Variants in EFHB observed in about 807,000 individuals in gnomAD.
EFHB encodes the protein EF-hand domain-containing family member B.
A neutral mutation model predicts 87.2 loss-of-function variants in EFHB; 91 were observed. The ratio of observed to expected loss-of-function variants is 1.04; its 90% CI spans 0.88 to 1.24. The LOEUF (loss-of-function observed/expected upper bound fraction) is 1.24, where lower values mean the gene tolerates loss of function less well. Ranked by LOEUF, EFHB falls within the 50% of genes most tolerant of loss-of-function variation. The probability of loss-of-function intolerance (pLI) is 0.00; values close to 1 mark genes in which losing one functional copy is unlikely to be tolerated. For synonymous variants in EFHB, 325 were observed against 333.6 expected, an observed-to-expected ratio of 0.97 and a Z score of 0.28; for missense variants, 1,084 against 998.8, an observed-to-expected ratio of 1.09 and a Z score of -1.15.
At chr3:19,902,588 G>C (rs973312977) in intron 6 of EFHB, among the ~76,000 whole-genome samples, 3 of 151,930 alleles carry the variant, frequency 2.0e-5, no homozygotes, top group Non-Finnish European at 4.4e-5. Context: ...TCCTGACCTT[G>C]TGATCTGCCT....
At chr3:19,914,777 A>G (rs2125146040) in intron 5 of EFHB, among the ~76,000 whole-genome samples, 1 of 152,306 alleles carries the variant, frequency 6.6e-6, no homozygotes, top group South Asian at 2.1e-4. Flanking sequence ...AATATTCTTA[A>G]TATAAAATTA....
At chr3:19,903,205 T>C (rs1694730871) in intron 6 of EFHB, among the ~76,000 whole-genome samples, 1 of 151,806 alleles carries the variant, frequency 6.6e-6, no homozygotes, top group African/African-American at 2.4e-5. Flanking sequence ...AAATGTATGA[T>C]CAAATAAAAC....
At chr3:19,908,813 T>A (rs1694958367) in intron 5 of EFHB, among the ~76,000 whole-genome samples, 1 of 152,110 alleles carries the variant, frequency 6.6e-6, no homozygotes, top group Non-Finnish European at 1.5e-5. Context: ...TAGGTCCATA[T>A]TTATTGCTAT....
intron 9 of EFHB, chr3:19,894,735 T>TC (rs1458408107): frequency 6.6e-6 from 1 of 152,064 alleles, no homozygotes; most frequent in African/African-American, 2.4e-5. Context: ...ATACCTGTAA[T>TC]CCCAACACTG....
At chr3:19,901,515 C>A (rs193017509) in intron 6 of EFHB, among the ~76,000 whole-genome samples, 81 of 152,282 alleles carry the variant, frequency 5.3e-4, no homozygotes, top group Admixed American at 1.8e-3. Flanking sequence ...TGTGGAGGAA[C>A]AAAAGAAGAA....
chr3:19,944,085 T>C (rs1478780842), intron 1 of EFHB, among the ~76,000 whole-genome samples: 1 of 152,214 alleles, frequency 6.6e-6, no homozygotes, highest in Non-Finnish European at 1.5e-5. Context: ...TCACAGCCTT[T>C]TATTCACTGA....
chr3:19,884,572 T>C lies in EFHB; in HGVS notation c.1977A>G (p.Glu659=). The part of the protein sequence containing the change: ...DCVNPTEANV[E]EPEQTLLIKP... ...TTATGAGGAGAGTTTGTTCAGGTTCTTCAACATTAGCCTCAGTAGGGTTTA... is the reference window on the plus strand; with the variant it reads ...TTATGAGGAGAGTTTGTTCAGGTTCCTCAACATTAGCCTCAGTAGGGTTTA... The change falls in exon 11 of 13, where the codon GAA becomes GAG. Residue 659 remains glutamate, a synonymous_variant. Transcript: ENST00000295824. 6.2e-7 allele frequency: 1 copy of C among 1,614,002 alleles called. No homozygotes were observed. The highest frequency in any genetic ancestry group is 8.5e-7 in the Non-Finnish European group (1 of 1,179,898).
chr3:19,929,688 G>A (rs1326615569), intron 1 of EFHB, among the ~76,000 whole-genome samples: 5 of 126,100 alleles, frequency 4.0e-5, no homozygotes, highest in Admixed American at 3.7e-4. Context: ...CAGCCTGGGC[G>A]AGAGCGTGAG....
chr3:19,895,367 A>G (rs1389672280), intron 9 of EFHB, among the ~76,000 whole-genome samples: 1 of 151,106 alleles, frequency 6.6e-6, no homozygotes, highest in Non-Finnish European at 1.5e-5. Context: ...CTGTAGTCCC[A>G]CTACTCGGGA....
intron 9 of EFHB, among the ~76,000 whole-genome samples, chr3:19,891,970 T>TC (rs1445944303): frequency 6.6e-6 from 1 of 152,156 alleles, no homozygotes; most frequent in African/African-American, 2.4e-5. Context: ...CATAGGGATC[T>TC]CCCTCATGCT....
In EFHB at chr3:19,908,566, G is replaced by GAGAAAGAGAGAA. The variant is rs1559459448; in HGVS notation, c.1289-2818_1289-2817insTTCTCTCTTTCT. On this transcript the variant is annotated intron_variant, in intron 5 of 12. Transcript: ENST00000295824. ...AAAGAAAGAGAGAAAGAGAGAAAGAGAGAGAGAGAGAGAGAGAGAGAGAGA... is the reference window on the plus strand; with the variant it reads ...AAAGAAAGAGAGAAAGAGAGAAAGAGAGAAAGAGAGAAAGAGAGAGAGAGAGAGAGAGAGAGA... Among the ~76,000 whole-genome samples, 110 of 72,394 alleles carry GAGAAAGAGAGAA rather than the reference G, an allele frequency of 1.5e-3. 1 individual carries two copies. Among genetic ancestry groups the GAGAAAGAGAGAA allele is most frequent in the African/African-American group, 5.7e-3 (95 of 16,538 alleles). 47.5% of individuals were successfully genotyped at this position (72,394 alleles called of 152,430 possible).
At chr3:19,921,693 TA>T (rs772748335) in intron 1 of EFHB, among the ~76,000 whole-genome samples, 1 of 152,016 alleles carries the variant, frequency 6.6e-6, no homozygotes, top group Non-Finnish European at 1.5e-5. Flanking sequence ...GAACTTTGTG[TA>T]AAAAAAGAAA....
At chr3:19,890,006 C>G (rs958630499) in intron 9 of EFHB, among the ~76,000 whole-genome samples, 1 of 152,092 alleles carries the variant, frequency 6.6e-6, no homozygotes, top group African/African-American at 2.4e-5. Flanking sequence ...ACAAAAGTCT[C>G]TACTACAACC....
chr3:19,932,473 C>T (rs1031796294), intron 1 of EFHB, among the ~76,000 whole-genome samples: 2 of 152,150 alleles, frequency 1.3e-5, no homozygotes, highest in Admixed American at 6.5e-5. Flanking sequence ...TTATGCCTCT[C>T]GAACATAGGA....
At chr3:19,936,337 G>A (rs1477564079), upstream of EFHB, 186 of 448,392 alleles carry the variant, frequency 4.1e-4, 1 homozygote, top group South Asian at 1.5e-3. Flanking sequence ...GCGACAGACT[G>A]AAAAAAAAAA....
Position 19,882,550 on chromosome 3 carries a change from C to G in EFHB, c.2328G>C (p.Glu776Asp). ...ATTTTTGTATGCTTATATGCTATAC[C>G]TCTTCTTTTGATCTGGTCTTGAAGA... is the stretch of plus-strand genomic sequence containing the variant. ...RDFFKTRSKE[E>D]IAEILCNIGV... Residue 776 changes from glutamate to aspartate, a missense_variant and splice_region_variant, in exon 12 of 13, where the codon GAG (glutamate) becomes GAC (aspartate). Physicochemically the swap from Glu to Asp is conservative, Grantham distance 45. Coordinates refer to ENST00000295824, the MANE Select transcript of EFHB (RefSeq NM_144715.4). 6.3e-7 allele frequency: 1 copy of G among 1,589,314 alleles called. No homozygotes were observed. The highest frequency in any genetic ancestry group is 8.6e-7 in the Non-Finnish European group (1 of 1,165,412).
At chr3:19,927,082 TG>T (rs1314796738) in intron 1 of EFHB, among the ~76,000 whole-genome samples, 30 of 152,342 alleles carry the variant, frequency 2.0e-4, no homozygotes, top group African/African-American at 7.2e-4. Flanking sequence ...CTATAATTTT[TG>T]TAAACTTCCC....
upstream of EFHB, among the ~76,000 whole-genome samples, chr3:19,936,995 C>G (rs1157806603): frequency 6.6e-6 from 1 of 151,372 alleles, no homozygotes; most frequent in Non-Finnish European, 1.5e-5. Context: ...ATGACGAAAC[C>G]CCATCTCTAC....
At chr3:19,905,516 C>A in intron 6 of EFHB, 104 bp downstream of exon 6, 13 of 1,246,992 alleles carry the variant, frequency 1.0e-5, no homozygotes, top group South Asian at 1.6e-5. Context: ...TTGTTTGAAC[C>A]ATATCATTTT....
Sources: gnomAD v4.1 joint callset for allele counts (sites outside exome capture counted in the v4.1 genomes callset) on GRCh38, gnomAD v4.1.1 for gene constraint, MANE v1.5 for transcripts, NCBI Gene and HGNC (gene_info 2026-07-23, HGNC 2026-07-21) for gene names.